Variants in IAH1 observed in about 807,000 individuals in gnomAD.
IAH1 encodes the protein isoamyl acetate hydrolyzing esterase 1 (putative).
A neutral mutation model predicts 26.7 loss-of-function variants in IAH1; 24 were observed. That is an observed-to-expected ratio of 0.90 (90% CI 0.65 to 1.26). IAH1 has a LOEUF of 1.26. Ranked by LOEUF, IAH1 falls within the 50% of genes most tolerant of loss-of-function variation. The pLI is 0.00. For missense variants in IAH1, 300 were observed against 299.9 expected, an observed-to-expected ratio of 1.00 and a Z score of 0.00; for synonymous variants, 140 against 118.5, an observed-to-expected ratio of 1.18 and a Z score of -1.18.
Position 9,489,650 on chromosome 2 carries a change from G to A in IAH1, c.*1321G>A, listed in dbSNP as rs1002342725. 6.7e-6 allele frequency: 1 copy of A among 148,176 alleles called. No homozygotes were observed. Among genetic ancestry groups the A allele is most frequent in the Non-Finnish European group, 1.5e-5 (1 of 67,476 alleles). 9.2% of individuals were successfully genotyped at this position (148,176 alleles called of 1,614,324 possible). ...TTTTCCCTGCTACATAAAAACTCTG[G>A]GTAATAACTAGAAATAGACCCACAA... On this transcript the variant is annotated 3_prime_UTR_variant, in exon 6 of 6. Coordinates refer to ENST00000497473, the MANE Select transcript of IAH1 (RefSeq NM_001039613.3).
the IAH1 span, chr2:9,502,059 G>T: frequency 1.1e-6 from 1 of 928,656 alleles, no homozygotes; most frequent in Non-Finnish European, 1.7e-6. Context: ...ACTCAACCCG[G>T]CATATGAGAT....
Position 9,488,469 on chromosome 2 carries a change from T to TTA in IAH1, c.*141_*142insAT, listed in dbSNP as rs1391423236. On this transcript the variant is annotated 3_prime_UTR_variant, in exon 6 of 6. Transcript: ENST00000497473. ...AGTATTAGATGATTTTTCAGGGAAG[T>TTA]TTTATACTTAGGTCCATTGTGTTTC... is the stretch of plus-strand genomic sequence containing the variant. The TTA allele has an allele frequency of 6.6e-6, 4 of 604,888 alleles. No homozygotes were observed. The African/African-American group carries it at 7.5e-5, about 11-fold the overall frequency. 37.5% of individuals were successfully genotyped at this position (604,888 alleles called of 1,614,324 possible).
At chr2:9,495,709 C>G (rs1454301277) in intron 6 of IAH1, among the ~76,000 whole-genome samples, 1 of 85,748 alleles carries the variant, frequency 1.2e-5, no homozygotes, top group Non-Finnish European at 2.2e-5. Context: ...GAGACTCCAT[C>G]TCAAAAAAAA....
intron 3 of IAH1, among the ~76,000 whole-genome samples, chr2:9,479,795 C>CTTTTTTTTTTTTTTTTTTTTTTTTTT (rs5829216): frequency 1.4e-5 from 1 of 69,870 alleles, no homozygotes; most frequent in Non-Finnish European, 2.5e-5. Flanking sequence ...CTGTGTATTG[C>CTTTTTTTTTTTTTTTTTTTTTTTTTT]TTTTTTTTTT....
At chr2:9,473,829 C>G (rs1682305324), upstream of IAH1, 1 of 152,262 alleles carries the variant, frequency 6.6e-6, no homozygotes, top group African/African-American at 2.4e-5. Flanking sequence ...ATCTACAGCT[C>G]CGTGATTTCA....
chr2:9,478,101 G>T, intron 2 of IAH1, 121 bp from the exon 3 acceptor site: 4 of 777,972 alleles, frequency 5.1e-6, no homozygotes, highest in Non-Finnish European at 6.0e-6. Flanking sequence ...AAACCTGGGG[G>T]TGGCTCAGAG....
intron 3 of IAH1, 34 bp from the exon 4 acceptor site, chr2:9,481,252 G>A (rs1308735414): frequency 6.2e-7 from 1 of 1,603,994 alleles, no homozygotes; most frequent in Admixed American, 1.7e-5. Context: ...TAATAAATAT[G>A]CATCTGGTGA....
downstream of IAH1, chr2:9,497,115 A>G: frequency 6.2e-7 from 1 of 1,613,764 alleles, no homozygotes; most frequent in Non-Finnish European, 8.5e-7. Context: ...ACTGCTCACC[A>G]TTACATGCAC....
intron 5 of IAH1, chr2:9,486,937 T>C (rs1661529742): frequency 6.6e-6 from 1 of 152,146 alleles, no homozygotes; most frequent in African/African-American, 2.4e-5. Flanking sequence ...TGGGTAAAAT[T>C]CTTATAGTTC....
rs746629400 is a variant in IAH1 at position 9,489,538 on chromosome 2, G to GGT, written c.*1210_*1211dup. 7 of 152,204 alleles carry GGT rather than the reference G, an allele frequency of 4.6e-5. No homozygotes were observed. The highest frequency in any genetic ancestry group is 8.8e-5 in the Non-Finnish European group (6 of 67,994). 9.4% of individuals were successfully genotyped at this position (152,204 alleles called of 1,614,324 possible). ...CTACCATGTATAGCCCTCACTGTAAGGTAGGTGGTTAGGTTTCTAGAGAGC... is the reference window on the plus strand; with the variant it reads ...CTACCATGTATAGCCCTCACTGTAAGGTGTAGGTGGTTAGGTTTCTAGAGAGC... On this transcript the variant is annotated 3_prime_UTR_variant, in exon 6 of 6. Transcript: ENST00000497473.
chr2:9,479,795 C>CTTTTTTTT (rs5829216), intron 3 of IAH1, among the ~76,000 whole-genome samples: 14 of 69,872 alleles, frequency 2.0e-4, no homozygotes, highest in Non-Finnish European at 3.0e-4. Context: ...CTGTGTATTG[C>CTTTTTTTT]TTTTTTTTTT....
the IAH1 span, chr2:9,510,039 G>T: frequency 4.3e-6 from 7 of 1,613,900 alleles, no homozygotes; most frequent in Non-Finnish European, 5.9e-6. Flanking sequence ...TCCCTCCCTG[G>T]TCCTCATTCG....
At chr2:9,487,833 T>TGTGTGTGTGTGTGC (rs1192269311) in intron 5 of IAH1, among the ~76,000 whole-genome samples, 1 of 82,706 alleles carries the variant, frequency 1.2e-5, no homozygotes, top group African/African-American at 4.7e-5. Flanking sequence ...TGTGTGTGTG[T>TGTGTGTGTGTGTGC]GCGCGCGCGC....
At chr2:9,485,789 T>C (rs1661441686) in intron 5 of IAH1, 1 of 152,314 alleles carries the variant, frequency 6.6e-6, no homozygotes, top group Admixed American at 6.5e-5. Flanking sequence ...TCTTTTTTAA[T>C]TTTTCTGTGA....
chr2:9,480,127 A>G (rs971959489), intron 3 of IAH1, among the ~76,000 whole-genome samples: 8 of 152,098 alleles, frequency 5.3e-5, no homozygotes, highest in African/African-American at 1.9e-4. Flanking sequence ...CTATTTATAT[A>G]TAACAGTAGA....
chr2:9,500,485 T>C (rs1662933290), downstream of IAH1, among the ~76,000 whole-genome samples: 1 of 152,230 alleles, frequency 6.6e-6, no homozygotes, highest in African/African-American at 2.4e-5. Context: ...TTAATTGTGA[T>C]GACTGCATAA....
chr2:9,484,577 G>T, intron 5 of IAH1, 27 bp downstream of exon 5: 1 of 1,462,128 alleles, frequency 6.8e-7, no homozygotes, highest in South Asian at 1.1e-5. Context: ...GGTCCTCTCG[G>T]GGTAAATAGG....
chr2:9,492,907 G>A (rs34355677), downstream of IAH1: 238 of 1,611,062 alleles, frequency 1.5e-4, 1 homozygote, highest in African/African-American at 2.5e-3. Context: ...CCACACAATG[G>A]ACAAGAATGC....
chr2:9,484,653 A>T, intron 5 of IAH1, 103 bp downstream of exon 5: 1 of 751,336 alleles, frequency 1.3e-6, no homozygotes. Context: ...CTTAGCTAAG[A>T]CAGTCATCCC....
Sources: allele counts gnomAD v4.1 joint callset (sites outside exome capture counted in the v4.1 genomes callset), GRCh38; gene constraint gnomAD v4.1.1; transcripts MANE v1.5; gene names NCBI Gene and HGNC (gene_info 2026-07-23, HGNC 2026-07-21).